MAX: variants seen among roughly 807,000 people sequenced by gnomAD.
MAX encodes MYC associated transcriptional regulator X.
A neutral mutation model predicts 22.3 loss-of-function variants in MAX; 3 were observed. The ratio of observed to expected loss-of-function variants is 0.13; its 90% CI spans 0.06 to 0.35. The LOEUF (loss-of-function observed/expected upper bound fraction) is 0.35, where lower values mean the gene tolerates loss of function less well. MAX is among the 10% of genes least tolerant of loss of function. The pLI, the probability that MAX is intolerant of heterozygous loss-of-function variation, is 1.00. For missense variants in MAX, 119 were observed against 209.4 expected (o/e 0.57, Z 2.66); for synonymous variants, 72 against 77.7 (o/e 0.93, Z 0.39).
At chr14:65,091,831 T>A (rs573026562) in intron 3 of MAX, 1 of 152,384 alleles carries the variant, frequency 6.6e-6, no homozygotes, top group Non-Finnish European at 1.5e-5. Context: ...CATTTTTTAA[T>A]CATTTCCTCA....
At chr14:65,019,379 C>T (rs1221599144) in intron 3 of MAX, among the ~76,000 whole-genome samples, 1 of 151,492 alleles carries the variant, frequency 6.6e-6, no homozygotes, top group South Asian at 2.1e-4. Context: ...CCCAGCTACT[C>T]GGGAGACTGA....
At position 65,021,854 on chromosome 14, in the gene MAX, C is replaced by T. The variant is rs181599498; in HGVS notation, c.172-15570G>A. On this transcript the variant is annotated intron_variant, in intron 3 of 3. Transcript: ENST00000341653. ...AGAGATGGGGTTTCACCATGTTGGC[C>T]AGGCTGGTCTCAAACTCCTGGCCTT... The T allele has an allele frequency of 1.3e-4, 57 of 444,660 alleles. 2 individuals are homozygous for T. The highest frequency in any genetic ancestry group is 9.6e-4 in the African/African-American group (48 of 49,848). The allele number at this position is 444,660 out of a possible 1,614,324, so 27.5% of individuals were successfully genotyped here.
chr14:65,014,364 G>A lies in MAX; in HGVS notation c.172-8080C>T, dbSNP rs564574194. Among the ~76,000 whole-genome samples the A allele has an allele frequency of 6.6e-6, 1 of 152,162 alleles. No homozygotes were observed. The highest frequency in any genetic ancestry group is 2.4e-5 in the African/African-American group (1 of 41,514). The stretch of plus-strand genomic sequence containing the variant: ...GGCAGAATTAGTCAGTCTCTTCCAC[G>A]TGCTCCCTCAAAACTCTGTTTTCGT... On this transcript the variant is annotated intron_variant, in intron 3 of 3. Transcript: ENST00000341653. This position sits in a 1 kb window ranked among gnomAD's most constrained non-coding sequence, Gnocchi z 5.1.
rs924324200 is a variant in MAX at position 65,060,484 on chromosome 14, C to G, written c.171+33224G>C. Among the ~76,000 whole-genome samples the G allele has an allele frequency of 3.5e-4, 40 of 114,998 alleles. 2 individuals carry two copies. The highest frequency in any genetic ancestry group is 2.3e-3 in the Admixed American group (30 of 13,022). The allele number at this position is 114,998 out of a possible 152,430, so 75.4% of individuals were successfully genotyped here. Reference sequence around the variant, plus strand: ...GGCCGAGGCGGGCGGATCACGAGGTCAGGAGATCGAGACCATCCCGGCTAA... The same window carrying G: ...GGCCGAGGCGGGCGGATCACGAGGTGAGGAGATCGAGACCATCCCGGCTAA... On this transcript the variant is annotated intron_variant, in intron 3 of 3. Transcript: ENST00000341653.
At chr14:65,020,743 T>C (rs2061870870) in intron 3 of MAX, among the ~76,000 whole-genome samples, 1 of 148,550 alleles carries the variant, frequency 6.7e-6, no homozygotes, top group African/African-American at 2.5e-5. Context: ...CTTTTTTTTT[T>C]TTTTTTGAGA....
intron 3 of MAX, among the ~76,000 whole-genome samples, chr14:65,067,793 AT>A (rs59262877): frequency 0.089 from 10,998 of 123,122 alleles, 948 homozygotes; most frequent in African/African-American, 0.25. Context: ...AGCTAATTAC[AT>A]TTTTTTTTTT....
chr14:65,050,107 A>C (rs2062574229), intron 3 of MAX, among the ~76,000 whole-genome samples: 1 of 152,224 alleles, frequency 6.6e-6, no homozygotes, highest in Non-Finnish European at 1.5e-5. Context: ...AGTATAAGAA[A>C]AAGCTAGATT....
rs7142375 is a variant in MAX, at chr14:65,093,477, A to T, written c.171+231T>A. 22,864 of 552,588 alleles carry T rather than the reference A, an allele frequency of 0.041. 2,926 individuals carry two copies. Among genetic ancestry groups the T allele is most frequent in the African/African-American group, 0.32 (17,019 of 52,786 alleles). The allele number at this position is 552,588 out of a possible 1,614,324, so 34.2% of individuals were successfully genotyped here. A position where few individuals can be genotyped will look rare whatever the true frequency, so the allele number is the denominator to read the frequency against. On this transcript the variant is annotated intron_variant, in intron 3 of 4. Transcript: ENST00000358664. The surrounding 1 kb of genome is among the most constrained non-coding windows in gnomAD (Gnocchi z 4.4). ...CAAATAATACAAATTTTAAAAGATA[A>T]CTCCTACCATTATCTCACAAATAGC...
Position 65,011,211 on chromosome 14 carries a change from T to A in MAX, c.172-4927A>T, listed in dbSNP as rs913183170. 6.6e-6 allele frequency among the ~76,000 whole-genome samples: 1 copy of A among 152,188 alleles called. No homozygotes were observed. Among genetic ancestry groups the A allele is most frequent in the African/African-American group, 2.4e-5 (1 of 41,442 alleles). On this transcript the variant is annotated intron_variant, in intron 3 of 3. Coordinates refer to the MAX transcript ENST00000341653. This position sits in a 1 kb window ranked among gnomAD's most constrained non-coding sequence, Gnocchi z 4.0. ...TGGGAGGCCAAGGCAGGGGATTACCTGAGGTCAGGAGTTCAAGACCAGCCT... is the reference window on the plus strand; with the variant it reads ...TGGGAGGCCAAGGCAGGGGATTACCAGAGGTCAGGAGTTCAAGACCAGCCT...
At chr14:65,033,624 A>G (rs1733876525) in intron 3 of MAX, among the ~76,000 whole-genome samples, 1 of 152,218 alleles carries the variant, frequency 6.6e-6, no homozygotes, top group Non-Finnish European at 1.5e-5. Context: ...TTGGGAGGCC[A>G]GGGCAAGCGG....
At chr14:65,018,112 T>C (rs981632033) in intron 3 of MAX, among the ~76,000 whole-genome samples, 1 of 152,116 alleles carries the variant, frequency 6.6e-6, no homozygotes, top group Non-Finnish European at 1.5e-5. Context: ...GAGGCCACGG[T>C]CAGAGGACCA....
At chr14:65,025,547 G>C (rs1220543343) in intron 3 of MAX, among the ~76,000 whole-genome samples, 5 of 152,184 alleles carry the variant, frequency 3.3e-5, no homozygotes, top group South Asian at 2.1e-4. Flanking sequence ...GGGCATGATG[G>C]CTCACACCTG....
At chr14:65,057,517 G>C (rs2062763610) in intron 3 of MAX, among the ~76,000 whole-genome samples, 1 of 152,126 alleles carries the variant, frequency 6.6e-6, no homozygotes, top group African/African-American at 2.4e-5. Context: ...TTTGGGGGAG[G>C]GTAGGTGAGG....
Position 65,069,518 on chromosome 14 carries a change from C to T in MAX, c.171+24190G>A, listed in dbSNP as rs992536427. Reference sequence around the variant, plus strand: ...CCTTTATAAGCTGCCTAGATTGCCCCAGTAGCCAGCACAATGCTGGGCTGA... The same window carrying T: ...CCTTTATAAGCTGCCTAGATTGCCCTAGTAGCCAGCACAATGCTGGGCTGA... On this transcript the variant is annotated intron_variant, in intron 3 of 3. Coordinates refer to the MAX transcript ENST00000341653. The surrounding 1 kb of genome is among the most constrained non-coding windows in gnomAD (Gnocchi z 4.6). Among the ~76,000 whole-genome samples, 7 of 152,222 alleles carry T rather than the reference C, an allele frequency of 4.6e-5. No homozygotes were observed. Among genetic ancestry groups the T allele is most frequent in the Non-Finnish European group, 7.3e-5 (5 of 68,042 alleles).
intron 3 of MAX, chr14:65,061,041 ATTTTTG>A: frequency 7.2e-7 from 1 of 1,396,508 alleles, no homozygotes; most frequent in South Asian, 1.4e-5. Context: ...CAAATACACC[ATTTTTG>A]AACCTTTGGG....
downstream of MAX, among the ~76,000 whole-genome samples, chr14:65,070,544 A>T (rs2062976643): frequency 6.6e-6 from 1 of 152,098 alleles, no homozygotes; most frequent in Admixed American, 6.5e-5. This position sits in a 1 kb window ranked among gnomAD's most constrained non-coding sequence, Gnocchi z 4.4. Context: ...GCAGGAGGGG[A>T]CCTGCTCGGC....
intron 3 of MAX, chr14:65,083,972 C>G: frequency 7.0e-7 from 1 of 1,420,276 alleles, no homozygotes; most frequent in African/African-American, 1.4e-5. Flanking sequence ...AAATGGAACC[C>G]CATCAATGCC....
At chr14:65,100,640 C>G (rs887496897) in intron 2 of MAX, among the ~76,000 whole-genome samples, 4 of 152,120 alleles carry the variant, frequency 2.6e-5, no homozygotes, top group Non-Finnish European at 5.9e-5. Context: ...TTTTTACCCC[C>G]ATTCTATACA....
At chr14:65,072,115 G>A (rs777963628), downstream of MAX, among the ~76,000 whole-genome samples, 8 of 152,158 alleles carry the variant, frequency 5.3e-5, no homozygotes, top group Non-Finnish European at 1.0e-4. Context: ...AGAAAGGAAT[G>A]CTCTAGTTTC....
Sources: gnomAD v4.1 joint callset for allele counts (sites outside exome capture counted in the v4.1 genomes callset) on GRCh38, gnomAD v4.1.1 for gene constraint, Gnocchi (gnomAD v3.1) non-coding constraint, MANE v1.5 for transcripts, NCBI Gene and HGNC (gene_info 2026-07-23, HGNC 2026-07-21) for gene names.